The following LZTFL1 variants were observed in gnomAD, a reference collection of about 807,000 sequenced individuals.
The protein encoded by LZTFL1 is leucine zipper transcription factor like 1.
A neutral mutation model predicts 45.9 loss-of-function variants in LZTFL1; 25 were observed. The observed-to-expected ratio is 0.54, with a 90% confidence interval of 0.40 to 0.76. The LOEUF is 0.76. Among genes scored for constraint, LZTFL1 ranks in the 30% least tolerant of loss-of-function variants. The pLI is 0.00. For missense variants in LZTFL1, 277 were observed against 331.1 expected (o/e 0.84, Z 1.27); for synonymous variants, 93 against 117.4 (o/e 0.79, Z 1.35).
chr3:45,827,849 C>T (rs1324787610), intron 8 of LZTFL1, among the ~76,000 whole-genome samples: 1 of 151,688 alleles, frequency 6.6e-6, no homozygotes, highest in East Asian at 1.9e-4. Context: ...TTCTTTTTTC[C>T]CATTTTTTAT....
chr3:45,837,602 ACT>A (rs1232728991), intron 2 of LZTFL1, among the ~76,000 whole-genome samples: 2 of 152,198 alleles, frequency 1.3e-5, no homozygotes, highest in Non-Finnish European at 2.9e-5. Flanking sequence ...TTAATTAATA[ACT>A]CAAGTAATTA....
chr3:45,846,984 T>C (rs1027814951), upstream of LZTFL1, among the ~76,000 whole-genome samples: 1 of 152,246 alleles, frequency 6.6e-6, no homozygotes, highest in Non-Finnish European at 1.5e-5. Flanking sequence ...AAAATCAGTC[T>C]TGAATAATTG....
intron 2 of LZTFL1, among the ~76,000 whole-genome samples, chr3:45,897,002 A>G (rs1184589169): frequency 2.0e-5 from 3 of 152,188 alleles, no homozygotes; most frequent in African/African-American, 4.8e-5. Flanking sequence ...GGTGTTCACA[A>G]CTGGGACGCC....
At chr3:45,867,045 G>A (rs548970641) in intron 2 of LZTFL1, among the ~76,000 whole-genome samples, 13 of 151,322 alleles carry the variant, frequency 8.6e-5, no homozygotes, top group African/African-American at 1.2e-4. Context: ...CTACTTAGGC[G>A]GCTGAGGCAG....
intron 2 of LZTFL1, among the ~76,000 whole-genome samples, chr3:45,891,122 G>A (rs917926672): frequency 5.0e-4 from 76 of 152,166 alleles, no homozygotes; most frequent in African/African-American, 1.5e-3. Context: ...TCATTTTTCA[G>A]ATAAATGTCA....
intron 2 of LZTFL1, among the ~76,000 whole-genome samples, chr3:45,888,080 AG>A (rs1425778038): frequency 2.0e-5 from 3 of 152,216 alleles, no homozygotes; most frequent in African/African-American, 7.2e-5. Flanking sequence ...AGAATGTTAG[AG>A]AATACAAAAA....
chr3:45,841,919 G>A (rs1701128925), intron 1 of LZTFL1, 70 bp downstream of exon 1: 2 of 1,573,396 alleles, frequency 1.3e-6, no homozygotes, highest in Non-Finnish European at 8.7e-7. Context: ...GGGCCCACCC[G>A]CTCAGTGTCT....
chr3:45,855,573 C>T (rs1701379386), intron 3 of LZTFL1, among the ~76,000 whole-genome samples: 1 of 151,952 alleles, frequency 6.6e-6, no homozygotes, highest in Non-Finnish European at 1.5e-5. Flanking sequence ...GACAATCAGG[C>T]AAGAGAAGGG....
Position 45,826,203 on chromosome 3 carries a change from T to C in LZTFL1, c.*111A>G. 1 of 920,578 alleles carries C rather than the reference T, an allele frequency of 1.1e-6. No individual in the cohort carries two copies. The highest frequency in any genetic ancestry group is 1.7e-6 in the Non-Finnish European group (1 of 579,786). The allele number at this position is 920,578 out of a possible 1,614,324, so 57.0% of individuals were successfully genotyped here. A position where few individuals can be genotyped will look rare whatever the true frequency, so the allele number is the denominator to read the frequency against. On this transcript the variant is annotated 3_prime_UTR_variant, in exon 10 of 10. Coordinates refer to ENST00000296135, the MANE Select transcript of LZTFL1 (RefSeq NM_020347.4). ...TAGTTCTAAATATTCAAAGTCTAAA[T>C]ATTAGAAAAATAAGGAGAGGGGATA...
intron 2 of LZTFL1, among the ~76,000 whole-genome samples, chr3:45,898,561 C>T (rs910371774): frequency 1.3e-5 from 2 of 152,232 alleles, no homozygotes; most frequent in African/African-American, 2.4e-5. Flanking sequence ...CTGGGTCCCT[C>T]TCTTTGCAAT....
chr3:45,888,675 G>T (rs1005572968), intron 2 of LZTFL1, among the ~76,000 whole-genome samples: 1 of 152,122 alleles, frequency 6.6e-6, no homozygotes, highest in Non-Finnish European at 1.5e-5. Context: ...CAGTATGTTT[G>T]GTCATATGTG....
intron 7 of LZTFL1, among the ~76,000 whole-genome samples, chr3:45,829,832 A>C (rs1700769738): frequency 6.6e-6 from 1 of 152,252 alleles, no homozygotes. Flanking sequence ...TGTTTGACTT[A>C]GGAGAAATTA....
chr3:45,826,964 C>G (rs1479777132), intron 9 of LZTFL1, among the ~76,000 whole-genome samples: 1 of 152,228 alleles, frequency 6.6e-6, no homozygotes, highest in African/African-American at 2.4e-5. Context: ...GAATCTCATT[C>G]TCTCCAACTT....
chr3:45,868,316 C>A (rs1271364185), intron 2 of LZTFL1, among the ~76,000 whole-genome samples: 1 of 151,716 alleles, frequency 6.6e-6, no homozygotes, highest in Admixed American at 6.6e-5. Flanking sequence ...TGGTAGCAAA[C>A]CATAAATCAT....
In LZTFL1 at chr3:45,901,902, G is replaced by T; in HGVS notation, c.-215+11218C>A. ...CTCAGGAGCACTCTCCCTCTGAGGG[G>T]TCTTCTCTGAGGTGCATGGTTCTTT... is the stretch of plus-strand genomic sequence containing the variant. On this transcript the variant is annotated intron_variant, in intron 2 of 4. Coordinates refer to the LZTFL1 transcript ENST00000472635. The surrounding 1 kb of genome is among the most constrained non-coding windows in gnomAD (Gnocchi z 4.3). 6.3e-7 allele frequency: 1 copy of T among 1,580,178 alleles called. No homozygotes were observed. Among genetic ancestry groups the T allele is most frequent in the Non-Finnish European group, 8.6e-7 (1 of 1,160,358 alleles).
upstream of LZTFL1, among the ~76,000 whole-genome samples, chr3:45,846,780 A>G (rs1299381854): frequency 6.6e-6 from 1 of 152,040 alleles, no homozygotes; most frequent in Non-Finnish European, 1.5e-5. Flanking sequence ...CAGAGGAGAA[A>G]GAGTTGGAGG....
At chr3:45,833,249 G>C in intron 4 of LZTFL1, 128 bp from the exon 5 acceptor site, 1 of 657,276 alleles carries the variant, frequency 1.5e-6, no homozygotes, top group Non-Finnish European at 2.7e-6. Flanking sequence ...CAGTTCCACA[G>C]GTGTGGAGAT....
Position 45,826,258 on chromosome 3 carries a change from G to C in LZTFL1, c.*56C>G. On this transcript the variant is annotated 3_prime_UTR_variant, in exon 10 of 10. Coordinates refer to ENST00000296135, the MANE Select transcript of LZTFL1 (RefSeq NM_020347.4). ...AAAATGCTTTTCAAAATACATGCCT[G>C]AGGTGAGACTGCTTGTATGTTTGCA... is the stretch of plus-strand genomic sequence containing the variant. 1 of 1,516,208 alleles carries C rather than the reference G, an allele frequency of 6.6e-7. No individual in the cohort carries two copies. Among genetic ancestry groups the C allele is most frequent in the South Asian group, 1.1e-5 (1 of 87,602 alleles). The allele number at this position is 1,516,208 out of a possible 1,614,324, so 93.9% of individuals were successfully genotyped here.
chr3:45,897,687 G>A lies in LZTFL1; in HGVS notation c.-215+15433C>T, dbSNP rs566782120. 2.8e-5 allele frequency: 37 copies of A among 1,325,928 alleles called. No homozygotes were observed. The Admixed American group carries it at 8.2e-4, about 29-fold the overall frequency. 82.1% of individuals were successfully genotyped at this position (1,325,928 alleles called of 1,614,324 possible). On this transcript the variant is annotated intron_variant, in intron 2 of 4. Coordinates refer to the LZTFL1 transcript ENST00000472635. ...CCTTCCCACCTGCCCCCTCTCATTT[G>A]TTCCCCAGGAACCAAAGTCGTCCCT... is the stretch of plus-strand genomic sequence containing the variant.
Sources: allele counts gnomAD v4.1 joint callset (sites outside exome capture counted in the v4.1 genomes callset), GRCh38; gene constraint gnomAD v4.1.1; non-coding constraint Gnocchi (gnomAD v3.1); transcripts MANE v1.5; gene names NCBI Gene and HGNC (gene_info 2026-07-23, HGNC 2026-07-21).